Variants in KANK1 observed in about 807,000 individuals in gnomAD.
KANK1 encodes KN motif and ankyrin repeat domain-containing protein 1.
Under a neutral mutation model 106.2 loss-of-function variants are expected in KANK1, and 109 were observed. That is an observed-to-expected ratio of 1.03 (90% CI 0.88 to 1.20). The LOEUF is 1.20. Ranked by LOEUF, KANK1 falls within the 50% of genes most tolerant of loss-of-function variation. The pLI is 0.00. For synonymous variants in KANK1, 873 were observed against 652.2 expected (o/e 1.34, Z -5.16); for missense variants, 2,399 against 1,710.7 (o/e 1.40, Z -7.10).
chr9:516,024 G>C (rs1197684098), intron 1 of KANK1, among the ~76,000 whole-genome samples: 2 of 151,706 alleles, frequency 1.3e-5, no homozygotes, highest in African/African-American at 4.9e-5. Context: ...CCAACATGCA[G>C]CTGTCATCTA....
At chr9:688,029 C>T (rs1360047092) in intron 2 of KANK1, among the ~76,000 whole-genome samples, 1 of 152,178 alleles carries the variant, frequency 6.6e-6, no homozygotes, top group African/African-American at 2.4e-5. Context: ...GCATATAATA[C>T]AGGTCAAAAA....
intron 3 of KANK1, among the ~76,000 whole-genome samples, chr9:722,114 G>A (rs761233868): frequency 2.0e-5 from 3 of 152,164 alleles, no homozygotes; most frequent in Non-Finnish European, 4.4e-5. Context: ...CTAGGCACAG[G>A]CCAAGCTAAC....
intron 1 of KANK1, among the ~76,000 whole-genome samples, chr9:505,123 C>G (rs918636768): frequency 6.6e-6 from 1 of 152,098 alleles, no homozygotes; most frequent in African/African-American, 2.4e-5. Flanking sequence ...GGGCGCCTGG[C>G]TACCCCGGCC....
chr9:566,200 A>G (rs557815307), intron 1 of KANK1, among the ~76,000 whole-genome samples: 5 of 152,026 alleles, frequency 3.3e-5, no homozygotes, highest in Non-Finnish European at 5.9e-5. Context: ...ATTCTTTTTT[A>G]TGGCTGCATA....
At chr9:611,431 A>G (rs1830528653) in intron 1 of KANK1, among the ~76,000 whole-genome samples, 1 of 152,208 alleles carries the variant, frequency 6.6e-6, no homozygotes. Flanking sequence ...TGAACTTGGA[A>G]TAAAAACCTT....
At chr9:722,669 T>G (rs1475137542) in intron 3 of KANK1, among the ~76,000 whole-genome samples, 3 of 152,246 alleles carry the variant, frequency 2.0e-5, no homozygotes, top group African/African-American at 4.8e-5. Flanking sequence ...GAACATTTTC[T>G]GGCAATATAG....
intron 1 of KANK1, among the ~76,000 whole-genome samples, chr9:507,789 A>G (rs555273907): frequency 6.6e-6 from 1 of 152,046 alleles, no homozygotes; most frequent in African/African-American, 2.4e-5. Context: ...ATCTCTTGAC[A>G]TCGTGATGTG....
chr9:598,615 G>GTTTTCTTTTTTTTTTTT (rs1826835023), intron 1 of KANK1, among the ~76,000 whole-genome samples: 1 of 73,334 alleles, frequency 1.4e-5, no homozygotes, highest in Non-Finnish European at 2.9e-5. Flanking sequence ...TGTTTTGTTG[G>GTTTTCTTTTTTTTTTTT]TTTTCTTTTT....
At chr9:583,904 C>G (rs1407016125) in intron 1 of KANK1, among the ~76,000 whole-genome samples, 1 of 151,936 alleles carries the variant, frequency 6.6e-6, no homozygotes, top group Non-Finnish European at 1.5e-5. Context: ...AAAATTAAAT[C>G]TATACAATAC....
At position 662,011 on chromosome 9, in the gene KANK1, G is replaced by A. The variant is rs574656254; in HGVS notation, c.-83-14879G>A. 5.3e-5 allele frequency among the ~76,000 whole-genome samples: 8 copies of A among 152,238 alleles called. No homozygotes were observed. In the South Asian group the frequency reaches 1.7e-3, roughly 32 times the overall value. On this transcript the variant is annotated intron_variant, in intron 1 of 11. Coordinates refer to ENST00000382297, the MANE Select transcript of KANK1 (RefSeq NM_015158.5). Reference sequence around the variant, plus strand: ...TGTAAATTTGTTTAAGTTCTTTGTAGAATCTGGATATTAGCCCTTTGTCAG... The same window carrying A: ...TGTAAATTTGTTTAAGTTCTTTGTAAAATCTGGATATTAGCCCTTTGTCAG...
chr9:539,190 C>A (rs10217470), intron 1 of KANK1, among the ~76,000 whole-genome samples: 4,298 of 152,124 alleles, frequency 0.028, 205 homozygotes, highest in African/African-American at 0.097. Flanking sequence ...TGAAAACTTT[C>A]CAGTTTTTAA....
intron 1 of KANK1, among the ~76,000 whole-genome samples, chr9:643,380 TG>T (rs985336393): frequency 4.0e-5 from 6 of 150,884 alleles, no homozygotes; most frequent in Non-Finnish European, 5.9e-5. Context: ...AACTCTTAAA[TG>T]TTTTTTTGCA....
intron 1 of KANK1, among the ~76,000 whole-genome samples, chr9:513,316 A>C (rs928128499): frequency 6.6e-6 from 1 of 152,228 alleles, no homozygotes; most frequent in African/African-American, 2.4e-5. Context: ...TTGTATGTGG[A>C]TGTGCTGTCA....
At chr9:632,784 G>C (rs912683958) in intron 1 of KANK1, among the ~76,000 whole-genome samples, 1 of 152,054 alleles carries the variant, frequency 6.6e-6, no homozygotes, top group African/African-American at 2.4e-5. Context: ...ACACCTCCTG[G>C]GTTCAGGTGA....
intron 1 of KANK1, among the ~76,000 whole-genome samples, chr9:508,071 C>T (rs1241018477): frequency 7.3e-5 from 11 of 150,442 alleles, no homozygotes; most frequent in African/African-American, 2.2e-4. Context: ...ATCCATCCGC[C>T]TCTGCCTCCC....
chr9:636,326 C>G (rs1408071468), intron 1 of KANK1, among the ~76,000 whole-genome samples: 1 of 152,196 alleles, frequency 6.6e-6, no homozygotes, highest in Non-Finnish European at 1.5e-5. Flanking sequence ...CCATATATTA[C>G]TGCTTCTCAT....
At chr9:505,149 C>G (rs1043886597) in intron 1 of KANK1, among the ~76,000 whole-genome samples, 11 of 152,124 alleles carry the variant, frequency 7.2e-5, no homozygotes, top group African/African-American at 2.7e-4. Flanking sequence ...CTCTGTCCCT[C>G]GGATGCCTCT....
At chr9:610,175 A>AAT (rs1830243031) in intron 1 of KANK1, among the ~76,000 whole-genome samples, 1 of 152,190 alleles carries the variant, frequency 6.6e-6, no homozygotes, top group Non-Finnish European at 1.5e-5. Context: ...AGTTCACAGG[A>AAT]ATAACTAGAT....
intron 3 of KANK1, among the ~76,000 whole-genome samples, chr9:714,433 C>T (rs1454529465): frequency 6.7e-6 from 1 of 149,378 alleles, no homozygotes; most frequent in East Asian, 2.0e-4. Flanking sequence ...CATCTCGGCT[C>T]ACTGCAACCT....
Sources: allele counts gnomAD v4.1 joint callset (sites outside exome capture counted in the v4.1 genomes callset), GRCh38; gene constraint gnomAD v4.1.1; transcripts MANE v1.5; gene names NCBI Gene and HGNC (gene_info 2026-07-23, HGNC 2026-07-21).